The following AMOTL1 variants were observed in gnomAD, a reference collection of about 807,000 sequenced individuals.
AMOTL1 encodes angiomotin like 1.
A neutral mutation model predicts 102.9 loss-of-function variants in AMOTL1; 45 were observed. That is an observed-to-expected ratio of 0.44 (90% CI 0.34 to 0.56). The LOEUF is 0.56. AMOTL1 is among the 20% of genes least tolerant of loss of function. The probability of loss-of-function intolerance (pLI) is 0.01; values close to 1 mark genes in which losing one functional copy is unlikely to be tolerated. For missense variants in AMOTL1, 1,114 were observed against 1,225.6 expected (o/e 0.91, Z 1.36); for synonymous variants, 481 against 484.7 (o/e 0.99, Z 0.10).
At chr11:94,787,456 G>A (rs3018134) in intron 1 of AMOTL1, among the ~76,000 whole-genome samples, 137,085 of 151,830 alleles carry the variant, frequency 0.9, 62,499 homozygotes, top group Non-Finnish European at 0.99. Context: ...TTGGGAGGCC[G>A]AGACGGGCGG....
At chr11:94,831,954 C>A (rs1460614439) in intron 6 of AMOTL1, among the ~76,000 whole-genome samples, 1 of 152,182 alleles carries the variant, frequency 6.6e-6, no homozygotes, top group Non-Finnish European at 1.5e-5. Context: ...AGACTGGCTG[C>A]CCCTTGCCAG....
chr11:94,843,456 G>C (rs1952346652), intron 6 of AMOTL1, among the ~76,000 whole-genome samples: 1 of 152,190 alleles, frequency 6.6e-6, no homozygotes, highest in South Asian at 2.1e-4. Flanking sequence ...TTTGTAGACA[G>C]TAAAGTAAAT....
chr11:94,787,000 A>T (rs2135543574), intron 1 of AMOTL1, among the ~76,000 whole-genome samples: 1 of 151,938 alleles, frequency 6.6e-6, no homozygotes. Flanking sequence ...GGAGATACAA[A>T]GGTGAATAAG....
chr11:94,762,625 A>G (rs1950807439), intron 3 of AMOTL1, among the ~76,000 whole-genome samples: 1 of 152,224 alleles, frequency 6.6e-6, no homozygotes, highest in Admixed American at 6.5e-5. Flanking sequence ...ACTGTCATGT[A>G]TCGAATATCT....
rs760828820 is a variant in AMOTL1 at position 94,743,651 on chromosome 11, C to CTTTTTTTTTTTTTTT, written c.136+2674_136+2688dup. On this transcript the variant is annotated intron_variant, in intron 3 of 4. Transcript: ENST00000299004. ...AATTATTTCTCTACTCACAATACTT[C>CTTTTTTTTTTTTTTT]TTTTTTTTTTTTTTTTTTTTTTTTT... is the stretch of plus-strand genomic sequence containing the variant. Among the ~76,000 whole-genome samples, 9 of 98,188 alleles carry CTTTTTTTTTTTTTTT rather than the reference C, an allele frequency of 9.2e-5. 3 individuals carry two copies. The highest frequency in any genetic ancestry group is 4.3e-4 in the African/African-American group (9 of 21,078). The allele number at this position is 98,188 out of a possible 152,430, so 64.4% of individuals were successfully genotyped here.
At chr11:94,718,639 G>C (rs1950131096) in intron 1 of AMOTL1, among the ~76,000 whole-genome samples, 1 of 151,588 alleles carries the variant, frequency 6.6e-6, no homozygotes, top group Non-Finnish European at 1.5e-5. Flanking sequence ...AAGATATCAA[G>C]ATTGTTTTGA....
intron 3 of AMOTL1, among the ~76,000 whole-genome samples, chr11:94,812,794 C>T (rs1951704862): frequency 6.6e-6 from 1 of 151,998 alleles, no homozygotes; most frequent in South Asian, 2.1e-4. Context: ...AGTTCTCCAA[C>T]CACAGCTGTG....
intron 2 of AMOTL1, among the ~76,000 whole-genome samples, chr11:94,798,409 G>C (rs1951407722): frequency 6.6e-6 from 1 of 152,140 alleles, no homozygotes; most frequent in African/African-American, 2.4e-5. Context: ...GTGGCTGTCT[G>C]GATGTTGGGG....
intron 9 of AMOTL1, 115 bp from the exon 10 acceptor site, chr11:94,864,607 AGCCAATGCGAGAT>A: frequency 7.6e-7 from 1 of 1,307,980 alleles, no homozygotes. Flanking sequence ...AGGCTTCATG[AGCCAATGCGAGAT>A]GCAGAGCTGA....
intron 1 of AMOTL1, among the ~76,000 whole-genome samples, chr11:94,772,877 A>G (rs1950974675): frequency 2.0e-5 from 3 of 152,112 alleles, no homozygotes; most frequent in African/African-American, 7.2e-5. Flanking sequence ...TGTTATCACT[A>G]TTTTTTATTT....
chr11:94,864,726 T>C lies in AMOTL1; in HGVS notation c.2136-9T>C, dbSNP rs1443450266. ...TCCTATGATCAAACGCATATCCTTG[T>C]GTTGCCAGGGACACCACGATCATCA... On this transcript the variant is annotated splice_polypyrimidine_tract_variant and intron_variant, in intron 9 of 12. Coordinates refer to ENST00000433060, the MANE Select transcript of AMOTL1 (RefSeq NM_130847.3). The C allele has an allele frequency of 1.2e-6, 2 of 1,612,298 alleles. No individual in the cohort carries two copies. The highest frequency in any genetic ancestry group is 4.5e-5 in the East Asian group (2 of 44,866).
chr11:94,774,146 G>A (rs761208386), intron 1 of AMOTL1, among the ~76,000 whole-genome samples: 8 of 152,180 alleles, frequency 5.3e-5, no homozygotes, highest in Non-Finnish European at 1.0e-4. Context: ...ATAATGTTAC[G>A]TAAATTCGCA....
At chr11:94,869,144 T>TA (rs879037154) in intron 11 of AMOTL1, 54 bp from the exon 12 acceptor site, 36,943 of 1,150,214 alleles carry the variant, frequency 0.032, 3 homozygotes, top group Non-Finnish European at 0.036. Flanking sequence ...AGACTAGATT[T>TA]AAAAAAAAAA....
chr11:94,724,677 C>T (rs1171034423), intron 1 of AMOTL1, among the ~76,000 whole-genome samples: 3 of 152,148 alleles, frequency 2.0e-5, no homozygotes, highest in Admixed American at 6.5e-5. Flanking sequence ...AAGAAAGATA[C>T]AATATTTGTT....
chr11:94,785,038 A>G (rs924973184), intron 1 of AMOTL1, among the ~76,000 whole-genome samples: 9 of 152,194 alleles, frequency 5.9e-5, no homozygotes, highest in African/African-American at 2.2e-4. Flanking sequence ...GGGTGGTTTC[A>G]TCAATTGTCT....
intron 6 of AMOTL1, among the ~76,000 whole-genome samples, chr11:94,844,419 G>A (rs1952366583): frequency 6.6e-6 from 1 of 152,132 alleles, no homozygotes; most frequent in South Asian, 2.1e-4. Flanking sequence ...GCTGAAAAAG[G>A]AAAAGAATAC....
chr11:94,824,966 C>T (rs923041091), intron 4 of AMOTL1, among the ~76,000 whole-genome samples: 1 of 152,134 alleles, frequency 6.6e-6, no homozygotes, highest in Non-Finnish European at 1.5e-5. Flanking sequence ...CTATAAAATC[C>T]CAGCCTAGAT....
At chr11:94,851,296 G>T (rs892416722) in intron 7 of AMOTL1, among the ~76,000 whole-genome samples, 4 of 152,196 alleles carry the variant, frequency 2.6e-5, no homozygotes, top group Non-Finnish European at 4.4e-5. Context: ...CATGAGTGGA[G>T]CTAAGGAAAA....
rs190422279 is a variant in AMOTL1, at chr11:94,839,771, C to T, written c.1648+8230C>T. 7.9e-5 allele frequency among the ~76,000 whole-genome samples: 12 copies of T among 152,214 alleles called. No individual in the cohort carries two copies. The East Asian group carries it at 1.9e-3, about 24-fold the overall frequency. On this transcript the variant is annotated intron_variant, in intron 6 of 12. Transcript: ENST00000433060. ...CAATTTTGTCGGCTCTGGGATTGAC[C>T]GAGGATTTCATGTTTTTACACTGGG...
Sources: allele counts gnomAD v4.1 joint callset (sites outside exome capture counted in the v4.1 genomes callset), GRCh38; gene constraint gnomAD v4.1.1; transcripts MANE v1.5; gene names NCBI Gene and HGNC (gene_info 2026-07-23, HGNC 2026-07-21).